Variants in ULK4 observed in about 807,000 individuals in gnomAD.
ULK4 encodes the protein unc-51 like kinase 4.
ULK4 carries 133 observed loss-of-function variants against 160.6 expected under a neutral mutation model. That is an observed-to-expected ratio of 0.83 (90% CI 0.72 to 0.96). The LOEUF is 0.96. ULK4 is among the 40% of genes least tolerant of loss of function. The probability of loss-of-function intolerance (pLI) is 0.00; values close to 1 mark genes in which losing one functional copy is unlikely to be tolerated. For synonymous variants in ULK4, 534 were observed against 539.8 expected (o/e 0.99, Z 0.15); for missense variants, 1,580 against 1,499.5 (o/e 1.05, Z -0.89).
At chr3:41,447,464 A>T (rs2083326622) in intron 34 of ULK4, among the ~76,000 whole-genome samples, 1 of 152,108 alleles carries the variant, frequency 6.6e-6, no homozygotes. Context: ...AAATGCCATT[A>T]AAAAAACATA....
At position 41,717,720 on chromosome 3, in the gene ULK4, C is replaced by T; in HGVS notation, c.2455+8G>A. The T allele has an allele frequency of 1.9e-6, 3 of 1,607,750 alleles. No individual in the cohort carries two copies. Among genetic ancestry groups the T allele is most frequent in the Non-Finnish European group, 1.7e-6 (2 of 1,175,190 alleles). On this transcript the variant is annotated splice_region_variant and intron_variant, in intron 23 of 36. Transcript: ENST00000301831. ...GAAATGGGGCCTGAGGATGAGACTC[C>T]AATTTACCCAGGATTCGTGGCAGCT... is the stretch of plus-strand genomic sequence containing the variant.
At chr3:41,884,361 T>A (rs1274739418) in intron 16 of ULK4, among the ~76,000 whole-genome samples, 1 of 152,184 alleles carries the variant, frequency 6.6e-6, no homozygotes, top group Non-Finnish European at 1.5e-5. Flanking sequence ...AAGTAGTAAA[T>A]AATATCTGAA....
At chr3:41,860,501 T>C (rs1485673543) in intron 17 of ULK4, among the ~76,000 whole-genome samples, 1 of 152,240 alleles carries the variant, frequency 6.6e-6, no homozygotes, top group African/African-American at 2.4e-5. Context: ...CTTACAGATT[T>C]TGTCTTGAAA....
chr3:41,810,113 T>C (rs1444814959), intron 19 of ULK4, among the ~76,000 whole-genome samples: 3 of 152,248 alleles, frequency 2.0e-5, no homozygotes, highest in African/African-American at 7.2e-5. Flanking sequence ...ATATATCATA[T>C]GCTGGCCAGG....
Position 41,524,794 on chromosome 3 carries a change from C to G in ULK4, c.3226+41231G>C, listed in dbSNP as rs1171314553. Among the ~76,000 whole-genome samples, 5 of 152,056 alleles carry G rather than the reference C, an allele frequency of 3.3e-5. No homozygotes were observed. In the South Asian group the frequency reaches 8.3e-4, roughly 25 times the overall value. ...CTCTATAAAATACAAAAAAATTAGC[C>G]GGGTGTGGTGACACGTGCCTGTAGT... On this transcript the variant is annotated intron_variant, in intron 32 of 36. Coordinates refer to ENST00000301831, the MANE Select transcript of ULK4 (RefSeq NM_017886.4).
At chr3:41,656,894 G>A (rs2034953142) in intron 30 of ULK4, among the ~76,000 whole-genome samples, 1 of 152,130 alleles carries the variant, frequency 6.6e-6, no homozygotes, top group Non-Finnish European at 1.5e-5. Flanking sequence ...AATGTAATTT[G>A]TTTGCTGAGG....
chr3:41,915,900 C>A, intron 8 of ULK4, 77 bp downstream of exon 8: 1 of 948,168 alleles, frequency 1.1e-6, no homozygotes, highest in South Asian at 1.5e-5. Flanking sequence ...ATTATTTATT[C>A]CCATTAAAAT....
At chr3:41,291,350 G>A (rs1185975889) in intron 35 of ULK4, among the ~76,000 whole-genome samples, 2 of 122,154 alleles carry the variant, frequency 1.6e-5, no homozygotes, top group Non-Finnish European at 3.5e-5. Flanking sequence ...GAAGGAAGGA[G>A]AAAGAGAAAG....
At chr3:41,486,133 C>T (rs1419909806) in intron 32 of ULK4, among the ~76,000 whole-genome samples, 3 of 152,074 alleles carry the variant, frequency 2.0e-5, no homozygotes, top group African/African-American at 7.2e-5. Context: ...GTGCACGTAT[C>T]TCATGAATAT....
rs367849878 is a variant in ULK4 at position 41,852,798 on chromosome 3, G to A, written c.1657-16827C>T. ...ACCCTCAGCTCCTGCCCATAGTGTA[G>A]TATCAAATAGGAGACCATTAATATT... is the stretch of plus-strand genomic sequence containing the variant. On this transcript the variant is annotated intron_variant, in intron 17 of 36. Transcript: ENST00000301831. 1.6e-3 allele frequency among the ~76,000 whole-genome samples: 241 copies of A among 152,226 alleles called. 1 individual carries two copies. The highest frequency in any genetic ancestry group is 5.7e-3 in the African/African-American group (237 of 41,542).
intron 2 of ULK4, among the ~76,000 whole-genome samples, chr3:41,950,242 A>AC (rs1242004771): frequency 6.7e-6 from 1 of 150,260 alleles, no homozygotes; most frequent in Admixed American, 6.7e-5. Flanking sequence ...GCATGCCACC[A>AC]CCCCCGGCTA....
chr3:41,382,617 G>T (rs565438166), intron 35 of ULK4, among the ~76,000 whole-genome samples: 2 of 151,988 alleles, frequency 1.3e-5, no homozygotes, highest in Non-Finnish European at 2.9e-5. Flanking sequence ...AAACCTTGTT[G>T]AATAGTTCTG....
chr3:41,956,367 C>T (rs1700486400), intron 1 of ULK4, among the ~76,000 whole-genome samples: 1 of 152,190 alleles, frequency 6.6e-6, no homozygotes, highest in Admixed American at 6.5e-5. Context: ...CCCTCCAGTG[C>T]TGCTCAGGTG....
At chr3:41,279,093 G>A (rs970111802) in intron 35 of ULK4, among the ~76,000 whole-genome samples, 1 of 151,998 alleles carries the variant, frequency 6.6e-6, no homozygotes, top group Non-Finnish European at 1.5e-5. Flanking sequence ...ACAGTGTAGA[G>A]AACATAAATG....
chr3:41,264,743 GATTAT>G (rs1367631462), intron 35 of ULK4, among the ~76,000 whole-genome samples: 6 of 152,352 alleles, frequency 3.9e-5, no homozygotes, highest in Admixed American at 2.6e-4. Context: ...CTCTTCAACA[GATTAT>G]ATTAGATGAG....
At chr3:41,702,855 G>GTTTTTTTTTTTTT (rs778490796) in intron 27 of ULK4, among the ~76,000 whole-genome samples, 1 of 146,252 alleles carries the variant, frequency 6.8e-6, no homozygotes. Flanking sequence ...TTTTTTTTTG[G>GTTTTTTTTTTTTT]TTTTGTTTTT....
At chr3:41,437,198 C>T (rs1407579514) in intron 34 of ULK4, among the ~76,000 whole-genome samples, 1 of 152,130 alleles carries the variant, frequency 6.6e-6, no homozygotes, top group Non-Finnish European at 1.5e-5. Context: ...ATGAGAAACT[C>T]GGAGTTGCAG....
At chr3:41,928,819 A>T (rs1699480575) in intron 5 of ULK4, among the ~76,000 whole-genome samples, 1 of 152,164 alleles carries the variant, frequency 6.6e-6, no homozygotes, top group South Asian at 2.1e-4. Context: ...TAGACCAGTA[A>T]CAAGTTCTGA....
At chr3:41,850,178 A>G (rs989692796) in intron 17 of ULK4, among the ~76,000 whole-genome samples, 2 of 152,282 alleles carry the variant, frequency 1.3e-5, no homozygotes, top group Non-Finnish European at 2.9e-5. Context: ...TCCATGGTGT[A>G]TATGTGCCAC....
Sources: allele counts gnomAD v4.1 joint callset (sites outside exome capture counted in the v4.1 genomes callset), GRCh38; gene constraint gnomAD v4.1.1; transcripts MANE v1.5; gene names NCBI Gene and HGNC (gene_info 2026-07-23, HGNC 2026-07-21).